Variants in DPP6 observed in about 807,000 individuals in gnomAD.
DPP6 encodes the protein dipeptidyl peptidase like 6.
In DPP6, 69 loss-of-function variants were observed where a neutral mutation model predicts 122.6. The observed-to-expected ratio is 0.56, with a 90% CI of 0.46 to 0.69. DPP6 has a LOEUF of 0.69. DPP6 is among the 30% of genes least tolerant of loss of function. The pLI is 0.00. For missense variants in DPP6, 928 were observed against 1,116.9 expected (o/e 0.83, Z 2.41); for synonymous variants, 418 against 433.1 (o/e 0.97, Z 0.43).
chr7:154,676,250 C>CCTGACTGACTCACACA (rs1838896379), intron 7 of DPP6, among the ~76,000 whole-genome samples: 1 of 149,546 alleles, frequency 6.7e-6, no homozygotes, highest in African/African-American at 2.5e-5. Flanking sequence ...ACAGGTGTTC[C>CCTGACTGACTCACACA]GGGCTGCGGC....
At chr7:154,741,078 G>T (rs1018774850) in intron 8 of DPP6, among the ~76,000 whole-genome samples, 1 of 152,150 alleles carries the variant, frequency 6.6e-6, no homozygotes. Flanking sequence ...TTCGTCACTC[G>T]TTCTGTGCGT....
chr7:154,638,926 G>A (rs186925503), intron 6 of DPP6, among the ~76,000 whole-genome samples: 209 of 152,264 alleles, frequency 1.4e-3, no homozygotes, highest in African/African-American at 4.9e-3. Flanking sequence ...TTGCAAAGGT[G>A]AGGTGCTCAG....
At chr7:153,802,540 T>C in the DPP6 span, among the ~76,000 whole-genome samples, 1 of 152,108 alleles carries the variant, frequency 6.6e-6, no homozygotes, top group Non-Finnish European at 1.5e-5. Context: ...TCTCCTGGCC[T>C]GAAGTATGAC....
At chr7:154,253,236 C>T (rs1802461304) in intron 1 of DPP6, among the ~76,000 whole-genome samples, 1 of 152,178 alleles carries the variant, frequency 6.6e-6, no homozygotes, top group African/African-American at 2.4e-5. Flanking sequence ...AAGTCAGCTT[C>T]CCTTAGAGAG....
intron 9 of DPP6, among the ~76,000 whole-genome samples, chr7:154,770,085 A>T (rs559438941): frequency 6.6e-6 from 1 of 152,182 alleles, no homozygotes; most frequent in African/African-American, 2.4e-5. Flanking sequence ...GTGACAAGAC[A>T]TGGAGGGCAG....
At chr7:154,051,286 G>A (rs1163770220), upstream of DPP6, among the ~76,000 whole-genome samples, 4 of 108,404 alleles carry the variant, frequency 3.7e-5, no homozygotes, top group East Asian at 2.2e-4. Flanking sequence ...GGGGTTTCCC[G>A]GCCCACGTTC....
At chr7:154,797,471 G>T (rs770678329) in intron 12 of DPP6, among the ~76,000 whole-genome samples, 3 of 152,104 alleles carry the variant, frequency 2.0e-5, no homozygotes, top group Non-Finnish European at 2.9e-5. Flanking sequence ...CAGTTTGTTT[G>T]TCTGTTGATG....
intron 1 of DPP6, among the ~76,000 whole-genome samples, chr7:154,249,154 C>G (rs1027939926): frequency 8.5e-5 from 13 of 152,142 alleles, no homozygotes; most frequent in Non-Finnish European, 1.6e-4. Flanking sequence ...CAGATTATGA[C>G]AAAGCACTGG....
rs375005026 is a variant in DPP6, at chr7:154,597,955, G to A, written c.627+31039G>A. Among the ~76,000 whole-genome samples, 79 of 152,258 alleles carry A rather than the reference G, an allele frequency of 5.2e-4. No homozygotes were observed. In the South Asian group the frequency reaches 0.016, roughly 31 times the overall value. On this transcript the variant is annotated intron_variant, in intron 5 of 25. Coordinates refer to ENST00000377770, the MANE Select transcript of DPP6 (RefSeq NM_130797.4). ...ACACCGACACCAGTCATTTGGATAA[G>A]GATCTTTTTTAATGACCTCATTTTA...
At chr7:154,730,003 C>A (rs1842258626) in intron 8 of DPP6, among the ~76,000 whole-genome samples, 2 of 152,200 alleles carry the variant, frequency 1.3e-5, no homozygotes, top group African/African-American at 4.8e-5. Context: ...CAAAGGGAAG[C>A]TCCGGAGGGG....
chr7:154,323,075 AT>A, intron 1 of DPP6, among the ~76,000 whole-genome samples: 1 of 152,156 alleles, frequency 6.6e-6, no homozygotes. Flanking sequence ...AAAAAAAAAA[AT>A]AAATGGAATA....
chr7:154,027,351 T>G (rs1297294273), intron 1 of DPP6, among the ~76,000 whole-genome samples: 1 of 152,204 alleles, frequency 6.6e-6, no homozygotes, highest in African/African-American at 2.4e-5. Context: ...GTTTGCTTAT[T>G]ATAGCCATCA....
At chr7:154,431,442 CTT>C (rs1265139379) in intron 1 of DPP6, among the ~76,000 whole-genome samples, 3 of 121,748 alleles carry the variant, frequency 2.5e-5, no homozygotes, top group Non-Finnish European at 3.5e-5. Flanking sequence ...TTTTTCTTTC[CTT>C]TCTTTTCTTT....
chr7:154,758,230 G>A lies in DPP6; in HGVS notation c.884-11187G>A, dbSNP rs199826843. 3.3e-5 allele frequency among the ~76,000 whole-genome samples: 5 copies of A among 152,306 alleles called. No homozygotes were observed. The East Asian group carries it at 7.7e-4, about 23-fold the overall frequency. ...CTCTCTAACAAGGCTGAGTCGGTGT[G>A]TCAGTCAGGGCCGGGAAACAGGCCG... On this transcript the variant is annotated intron_variant, in intron 8 of 25. Transcript: ENST00000377770.
intron 20 of DPP6, 99 bp downstream of exon 20, chr7:154,876,199 C>G (rs1804838953): frequency 7.2e-7 from 1 of 1,388,410 alleles, no homozygotes; most frequent in African/African-American, 1.5e-5. Flanking sequence ...TTTCTCCACG[C>G]ACACATTTTT....
the DPP6 span, among the ~76,000 whole-genome samples, chr7:153,834,758 AC>A: frequency 2.9e-4 from 44 of 152,312 alleles, no homozygotes; most frequent in Admixed American, 1.6e-3. Context: ...TAATAAATAA[AC>A]AATTTAGGGC....
intron 1 of DPP6, among the ~76,000 whole-genome samples, chr7:154,364,256 T>C (rs1811971684): frequency 6.6e-6 from 1 of 152,156 alleles, no homozygotes. Flanking sequence ...AAATTCACCA[T>C]ACTCACATGG....
chr7:153,753,187 T>C, the DPP6 span, among the ~76,000 whole-genome samples: 1 of 151,000 alleles, frequency 6.6e-6, no homozygotes, highest in Admixed American at 6.6e-5. Flanking sequence ...TGGTGACTTG[T>C]ATGTGACTAG....
At chr7:154,787,970 G>A (rs923807839) in intron 10 of DPP6, among the ~76,000 whole-genome samples, 1 of 151,820 alleles carries the variant, frequency 6.6e-6, no homozygotes, top group Non-Finnish European at 1.5e-5. Flanking sequence ...CAAACTATTT[G>A]CCCAGTATTT....
Sources: allele counts gnomAD v4.1 joint callset (sites outside exome capture counted in the v4.1 genomes callset), GRCh38; gene constraint gnomAD v4.1.1; transcripts MANE v1.5; gene names NCBI Gene and HGNC (gene_info 2026-07-23, HGNC 2026-07-21).